CHN2: variants seen among roughly 807,000 people sequenced by gnomAD.
The protein encoded by CHN2 is chimerin 2.
Under a neutral mutation model 56.3 loss-of-function variants are expected in CHN2, and 35 were observed. That is an observed-to-expected ratio of 0.62 (90% CI 0.47 to 0.82). CHN2 has a LOEUF of 0.82. Among genes scored for constraint, CHN2 ranks in the 40% least tolerant of loss-of-function variants. The pLI, the probability that CHN2 is intolerant of heterozygous loss-of-function variation, is 0.00. For synonymous variants in CHN2, 210 were observed against 212.8 expected, an observed-to-expected ratio of 0.99 and a Z score of 0.12; for missense variants, 491 against 580.5, an observed-to-expected ratio of 0.85 and a Z score of 1.58.
chr7:29,160,548 T>C (rs1001423157), intron 2 of CHN2, among the ~76,000 whole-genome samples: 2 of 152,144 alleles, frequency 1.3e-5, no homozygotes, highest in Admixed American at 1.3e-4. Flanking sequence ...TGAAATATAA[T>C]GAGAATTCTA....
At chr7:29,228,948 C>T (rs1049214154) in intron 1 of CHN2, among the ~76,000 whole-genome samples, 3 of 152,332 alleles carry the variant, frequency 2.0e-5, no homozygotes, top group African/African-American at 4.8e-5. Context: ...CTGCTCCAGT[C>T]GGGCCTGATT....
Position 29,395,735 on chromosome 7 carries a change from A to T in CHN2, c.176+2025A>T, listed in dbSNP as rs1012851664. ...GGAGATATTTGGACTTTTAAAAATG[A>T]TGCATAAAGGGGATGACAAGCCACA... is the stretch of plus-strand genomic sequence containing the variant. On this transcript the variant is annotated intron_variant, in intron 4 of 12. Transcript: ENST00000222792. Among the ~76,000 whole-genome samples the T allele has an allele frequency of 5.9e-5, 9 of 152,286 alleles. No homozygotes were observed. The South Asian group carries it at 6.2e-4, about 11-fold the overall frequency.
At chr7:29,258,849 C>T (rs1032131359) in intron 1 of CHN2, among the ~76,000 whole-genome samples, 5 of 152,306 alleles carry the variant, frequency 3.3e-5, no homozygotes, top group Admixed American at 6.5e-5. Context: ...CAGAAGTACA[C>T]ATGCAATCCC....
chr7:29,294,886 C>T (rs1389007481), intron 1 of CHN2, among the ~76,000 whole-genome samples: 1 of 152,086 alleles, frequency 6.6e-6, no homozygotes, highest in Non-Finnish European at 1.5e-5. Context: ...TGAAGCCTTC[C>T]CAGACCCTTG....
At chr7:29,506,265 C>T (rs931028772) in intron 10 of CHN2, among the ~76,000 whole-genome samples, 1 of 152,026 alleles carries the variant, frequency 6.6e-6, no homozygotes, top group East Asian at 1.9e-4. Context: ...CTTTGTACTG[C>T]CTACAAAGAA....
At chr7:29,331,739 A>C (rs1009455427) in intron 1 of CHN2, among the ~76,000 whole-genome samples, 3 of 152,158 alleles carry the variant, frequency 2.0e-5, no homozygotes, top group African/African-American at 7.2e-5. Flanking sequence ...GGGTGGTTAA[A>C]AGAACACAAG....
chr7:29,214,300 A>G (rs1562836555), intron 1 of CHN2, among the ~76,000 whole-genome samples: 1 of 152,094 alleles, frequency 6.6e-6, no homozygotes, highest in Non-Finnish European at 1.5e-5. Flanking sequence ...CATCCCTCAC[A>G]TTTTGTTAAT....
intron 2 of CHN2, among the ~76,000 whole-genome samples, chr7:29,188,829 C>T (rs1799033717): frequency 6.6e-6 from 1 of 152,014 alleles, no homozygotes; most frequent in Admixed American, 6.6e-5. Flanking sequence ...AATTCCCAAA[C>T]AGAAATCATT....
chr7:29,205,423 G>A (rs554919252), intron 1 of CHN2, among the ~76,000 whole-genome samples: 11 of 152,216 alleles, frequency 7.2e-5, no homozygotes, highest in African/African-American at 2.4e-4. Context: ...TTTCTTATCC[G>A]TAAAATGGGC....
chr7:29,306,182 C>T (rs1794146803), intron 1 of CHN2, among the ~76,000 whole-genome samples: 1 of 152,150 alleles, frequency 6.6e-6, no homozygotes, highest in East Asian at 1.9e-4. Flanking sequence ...CTCAATAGCG[C>T]ACTGTGTAAG....
At chr7:29,146,620 T>C (rs757908730) in exon 1 of CHN2, 1 of 1,550,546 alleles carries the variant, frequency 6.4e-7, no homozygotes, top group Non-Finnish European at 8.7e-7. Flanking sequence ...TGCGTCGTCG[T>C]GTCCCAACCT....
chr7:29,220,222 A>T (rs540120414), intron 1 of CHN2, among the ~76,000 whole-genome samples: 4 of 151,846 alleles, frequency 2.6e-5, no homozygotes, highest in Admixed American at 2.6e-4. Context: ...GTGAGCCAAG[A>T]TCATGCCACT....
chr7:29,409,532 C>G (rs189471613), intron 6 of CHN2, among the ~76,000 whole-genome samples: 1 of 152,156 alleles, frequency 6.6e-6, no homozygotes, highest in African/African-American at 2.4e-5. Context: ...CACATCTGCT[C>G]CTGTATTCAA....
intron 12 of CHN2, 96 bp downstream of exon 12, chr7:29,509,502 G>A: frequency 2.1e-6 from 2 of 939,554 alleles, no homozygotes; most frequent in Admixed American, 1.9e-5. Context: ...CATAACTGCT[G>A]GAGTTTCACT....
chr7:29,486,346 G>A (rs2128553501), intron 7 of CHN2, among the ~76,000 whole-genome samples: 2 of 152,316 alleles, frequency 1.3e-5, no homozygotes, highest in Admixed American at 1.3e-4. Flanking sequence ...CTCTTGTGCG[G>A]CTTGTGTGTT....
intron 7 of CHN2, among the ~76,000 whole-genome samples, chr7:29,493,683 C>A (rs1307088123): frequency 6.6e-6 from 1 of 152,142 alleles, no homozygotes; most frequent in East Asian, 1.9e-4. Flanking sequence ...AAGGCCCACA[C>A]TTCTACTGTC....
At chr7:29,352,187 C>G in intron 1 of CHN2, among the ~76,000 whole-genome samples, 1 of 152,154 alleles carries the variant, frequency 6.6e-6, no homozygotes, top group African/African-American at 2.4e-5. Flanking sequence ...TTGAGACCTT[C>G]CCCGAGTATA....
chr7:29,181,657 G>T (rs1172246844), intron 2 of CHN2, among the ~76,000 whole-genome samples: 2 of 152,046 alleles, frequency 1.3e-5, no homozygotes, highest in Non-Finnish European at 2.9e-5. Context: ...CTTTATTATG[G>T]CCTCCAACTA....
At chr7:29,213,233 A>G (rs1386624158) in intron 1 of CHN2, 6 of 1,071,742 alleles carry the variant, frequency 5.6e-6, no homozygotes, top group Non-Finnish European at 8.6e-6. Flanking sequence ...TGAAATTGAT[A>G]TTACTCAGTT....
Sources: allele counts gnomAD v4.1 joint callset (sites outside exome capture counted in the v4.1 genomes callset), GRCh38; gene constraint gnomAD v4.1.1; transcripts MANE v1.5; gene names NCBI Gene and HGNC (gene_info 2026-07-23, HGNC 2026-07-21).